The following COL13A1 variants were observed in gnomAD, a reference collection of about 807,000 sequenced individuals.
COL13A1 encodes the protein collagen alpha-1(XIII) chain.
A neutral mutation model predicts 130.9 loss-of-function variants in COL13A1; 89 were observed. That is an observed-to-expected ratio of 0.68 (90% CI 0.57 to 0.81). The LOEUF (loss-of-function observed/expected upper bound fraction) is 0.81, where lower values mean the gene tolerates loss of function less well. COL13A1 is among the 30% of genes least tolerant of loss of function. COL13A1 has a pLI of 0.00. For synonymous variants in COL13A1, 402 were observed against 341.6 expected, an observed-to-expected ratio of 1.18 and a Z score of -1.95; for missense variants, 879 against 934.6, an observed-to-expected ratio of 0.94 and a Z score of 0.78.
intron 3 of COL13A1, among the ~76,000 whole-genome samples, chr10:69,871,774 T>C (rs1383462850): frequency 2.0e-5 from 3 of 152,234 alleles, no homozygotes; most frequent in Non-Finnish European, 4.4e-5. Context: ...TCCTCTCTTC[T>C]AATAATCATA....
At chr10:69,880,655 C>G in intron 7 of COL13A1, 102 bp downstream of exon 7, 1 of 1,285,072 alleles carries the variant, frequency 7.8e-7, no homozygotes, top group Non-Finnish European at 1.1e-6. Flanking sequence ...CGGCTGTGCC[C>G]CTGGGTGGGG....
At chr10:69,846,759 G>A (rs1474189162) in intron 2 of COL13A1, among the ~76,000 whole-genome samples, 1 of 152,216 alleles carries the variant, frequency 6.6e-6, no homozygotes, top group Non-Finnish European at 1.5e-5. Flanking sequence ...GGGAGCACCG[G>A]GAGGGACCAA....
rs2061468301 is a variant in COL13A1, at chr10:69,894,583, G to A, written c.630+5G>A. ...ACGGGTCCCCCAGGACAGCCGGTTG[G>A]TACCTCATCCATCTATTTCCCAGCA... is the stretch of plus-strand genomic sequence containing the variant. On this transcript the variant is annotated splice_donor_5th_base_variant and intron_variant, in intron 11 of 40. Transcript: ENST00000645393. 1 of 1,613,878 alleles carries A rather than the reference G, an allele frequency of 6.2e-7. No homozygotes were observed. The highest frequency in any genetic ancestry group is 1.1e-5 in the South Asian group (1 of 91,082).
At chr10:69,918,419 T>A in intron 19 of COL13A1, 102 bp downstream of exon 19, 1 of 1,121,372 alleles carries the variant, frequency 8.9e-7, no homozygotes, top group Non-Finnish European at 1.3e-6. Context: ...GCCAGACCAA[T>A]GAGGGGGCAT....
intron 2 of COL13A1, among the ~76,000 whole-genome samples, chr10:69,828,222 T>C (rs1422707715): frequency 6.6e-6 from 1 of 152,164 alleles, no homozygotes; most frequent in South Asian, 2.1e-4. Context: ...CCCCTTGTTC[T>C]GCTGCAGCCA....
chr10:69,869,002 C>G (rs1328002080), intron 3 of COL13A1, among the ~76,000 whole-genome samples: 1 of 152,178 alleles, frequency 6.6e-6, no homozygotes, highest in Non-Finnish European at 1.5e-5. Context: ...CCCACCCTGC[C>G]TTGGGGCCTC....
At chr10:69,859,065 CT>C (rs1857246693) in intron 2 of COL13A1, among the ~76,000 whole-genome samples, 1 of 152,184 alleles carries the variant, frequency 6.6e-6, no homozygotes, top group African/African-American at 2.4e-5. Flanking sequence ...TTTGACCTCT[CT>C]GTGGCTCAGT....
chr10:69,829,857 G>A (rs907209404), intron 2 of COL13A1, among the ~76,000 whole-genome samples: 3 of 152,194 alleles, frequency 2.0e-5, no homozygotes, highest in African/African-American at 7.2e-5. Context: ...CTGGCTCTGC[G>A]TTTCAGAAAT....
chr10:69,923,784 C>A lies in COL13A1; in HGVS notation c.1231-18C>A, dbSNP rs925926650. 1 of 1,606,820 alleles carries A rather than the reference C, an allele frequency of 6.2e-7. No homozygotes were observed. The highest frequency in any genetic ancestry group is 1.1e-5 in the South Asian group (1 of 89,014). On this transcript the variant is annotated intron_variant, in intron 23 of 40. Transcript: ENST00000645393. Reference sequence around the variant, plus strand: ...GGTGCCCAGCATGCCCTCATCCCAACTCTCTCCTCTTCCCCAGGGAGAAGC... The same window carrying A: ...GGTGCCCAGCATGCCCTCATCCCAAATCTCTCCTCTTCCCCAGGGAGAAGC...
chr10:69,843,568 G>A (rs141767944), intron 2 of COL13A1, among the ~76,000 whole-genome samples: 1 of 152,160 alleles, frequency 6.6e-6, no homozygotes, highest in African/African-American at 2.4e-5. Flanking sequence ...GACAGCACAC[G>A]CACAGAACAT....
chr10:69,938,350 C>G (rs1393162850), intron 34 of COL13A1, among the ~76,000 whole-genome samples: 2 of 152,124 alleles, frequency 1.3e-5, no homozygotes, highest in Non-Finnish European at 2.9e-5. Flanking sequence ...CACTGCCTCA[C>G]CTGTGTACAG....
Position 69,934,940 on chromosome 10 carries a change from A to G in COL13A1, c.1729-410A>G, listed in dbSNP as rs563140974. On this transcript the variant is annotated intron_variant, in intron 31 of 40. Coordinates refer to ENST00000645393, the MANE Select transcript of COL13A1 (RefSeq NM_001368882.1). ...ACTGCAAGAGCGCTGGATCAAAGAC[A>G]ATAAGGAGTGGTGAGGACTGGGGTA... 2.0e-3 allele frequency among the ~76,000 whole-genome samples: 298 copies of G among 152,316 alleles called. 1 individual carries two copies. The highest frequency in any genetic ancestry group is 6.7e-3 in the African/African-American group (279 of 41,572).
chr10:69,815,619 T>C (rs1167021129), intron 1 of COL13A1, among the ~76,000 whole-genome samples: 1 of 152,116 alleles, frequency 6.6e-6, no homozygotes, highest in South Asian at 2.1e-4. Flanking sequence ...GTAGCCTAGA[T>C]GGCACACATC....
Position 69,839,781 on chromosome 10 carries a change from G to A in COL13A1, c.364+17343G>A, listed in dbSNP as rs187139083. Among the ~76,000 whole-genome samples, 484 of 152,342 alleles carry A rather than the reference G, an allele frequency of 3.2e-3. 5 individuals are homozygous for A. The highest frequency in any genetic ancestry group is 0.01 in the Middle Eastern group (3 of 294). On this transcript the variant is annotated intron_variant, in intron 2 of 40. Coordinates refer to ENST00000645393, the MANE Select transcript of COL13A1 (RefSeq NM_001368882.1). Reference sequence around the variant, plus strand: ...GTCAGAGTGTGGCCAGGTGAAATGAGTGACAGGGAGAGAGCAGAGAGAGAG... The same window carrying A: ...GTCAGAGTGTGGCCAGGTGAAATGAATGACAGGGAGAGAGCAGAGAGAGAG...
In COL13A1 at chr10:69,930,460, G is replaced by C; in HGVS notation, c.1591G>C (p.Asp531His). 6.2e-7 allele frequency: 1 copy of C among 1,613,886 alleles called. No homozygotes were observed. The highest frequency in any genetic ancestry group is 1.1e-5 in the South Asian group (1 of 91,076). ...TGGTCCCCAAGGCCCCCCAGGAAAG[G>C]ATGGACCTCCAGGAGTGAAGGGAGA... The part of the protein sequence containing the change: ...PPGPQGPPGK[D>H]GPPGVKGENG... The change falls in exon 30 of 41, where the codon GAT (aspartate) becomes CAT (histidine). Residue 531 changes from aspartate (D) to histidine (H), a missense_variant. This residue lies in a region of COL13A1 where 715 missense variants were observed against 721.0 expected (regional missense o/e 0.99). Coordinates refer to ENST00000645393, the MANE Select transcript of COL13A1 (RefSeq NM_001368882.1).
At chr10:69,818,523 A>C (rs10998984) in intron 1 of COL13A1, among the ~76,000 whole-genome samples, 7,924 of 152,352 alleles carry the variant, frequency 0.052, 268 homozygotes, top group East Asian at 0.16. Context: ...AGTTATCAAA[A>C]GAGATTGGCT....
chr10:69,910,587 C>A (rs913860944), intron 17 of COL13A1, among the ~76,000 whole-genome samples: 1 of 152,222 alleles, frequency 6.6e-6, no homozygotes, highest in Non-Finnish European at 1.5e-5. Context: ...AGATCAAAGC[C>A]CAGTGTGGCC....
intron 38 of COL13A1, among the ~76,000 whole-genome samples, chr10:69,947,906 C>G (rs1453643849): frequency 6.6e-6 from 1 of 152,242 alleles, no homozygotes; most frequent in African/African-American, 2.4e-5. Context: ...GCCATCTTCA[C>G]CAGGACACAC....
chr10:69,858,170 A>G (rs1857002339), intron 2 of COL13A1, among the ~76,000 whole-genome samples: 1 of 150,790 alleles, frequency 6.6e-6, no homozygotes, highest in African/African-American at 2.4e-5. Context: ...AGCTCTTATT[A>G]GCCATTCTTC....
Sources: gnomAD v4.1 joint callset for allele counts (sites outside exome capture counted in the v4.1 genomes callset) on GRCh38, gnomAD v4.1.1 for gene constraint, gnomAD v4.1.1 regional missense constraint, MANE v1.5 for transcripts, NCBI Gene and HGNC (gene_info 2026-07-23, HGNC 2026-07-21) for gene names.